Variants in GPC6 observed in about 807,000 individuals in gnomAD.
The protein encoded by GPC6 is glypican-6.
GPC6 carries 14 observed loss-of-function variants against 55.2 expected under a neutral mutation model. The ratio of observed to expected loss-of-function variants is 0.25; its 90% CI spans 0.17 to 0.40. The LOEUF (loss-of-function observed/expected upper bound fraction) is 0.40, where lower values mean the gene tolerates loss of function less well. Ranked by LOEUF, GPC6 falls within the 10% of genes least tolerant of loss-of-function variation. GPC6 has a pLI of 1.00. For missense variants in GPC6, 641 were observed against 708.5 expected (o/e 0.90, Z 1.08); for synonymous variants, 278 against 259.6 (o/e 1.07, Z -0.68).
intron 4 of GPC6, among the ~76,000 whole-genome samples, chr13:94,165,600 C>T (rs1888342813): frequency 6.6e-6 from 1 of 152,016 alleles, no homozygotes; most frequent in Non-Finnish European, 1.5e-5. Context: ...AAAGAACTTA[C>T]TCATATAACC....
At chr13:93,468,307 T>A (rs1878987022) in intron 1 of GPC6, among the ~76,000 whole-genome samples, 1 of 152,172 alleles carries the variant, frequency 6.6e-6, no homozygotes, top group Non-Finnish European at 1.5e-5. Flanking sequence ...CTTATTTTAA[T>A]GAAGTTTATG....
At chr13:93,472,846 C>T (rs1879172443) in intron 1 of GPC6, among the ~76,000 whole-genome samples, 1 of 152,160 alleles carries the variant, frequency 6.6e-6, no homozygotes, top group African/African-American at 2.4e-5. Context: ...GTGAGCAAGA[C>T]AAGAGGAGCT....
At chr13:94,146,224 G>A (rs907961443) in intron 4 of GPC6, among the ~76,000 whole-genome samples, 3 of 151,918 alleles carry the variant, frequency 2.0e-5, no homozygotes, top group Non-Finnish European at 4.4e-5. Flanking sequence ...CACTCAGCAG[G>A]GTGCCTGGTG....
At chr13:93,751,184 A>T (rs930017248) in intron 2 of GPC6, among the ~76,000 whole-genome samples, 5 of 151,066 alleles carry the variant, frequency 3.3e-5, no homozygotes, top group African/African-American at 1.2e-4. Context: ...CAAACAAACA[A>T]ACAAAAAATG....
chr13:93,726,103 T>TACACACACACACACACACACAC (rs71811304), intron 2 of GPC6, among the ~76,000 whole-genome samples: 1 of 126,768 alleles, frequency 7.9e-6, no homozygotes, highest in Non-Finnish European at 1.7e-5. Flanking sequence ...TTTTCCTTCA[T>TACACACACACACACACACACAC]ACACACACAC....
chr13:94,374,729 A>C (rs1879754593), intron 6 of GPC6, among the ~76,000 whole-genome samples: 2 of 146,232 alleles, frequency 1.4e-5, no homozygotes, highest in Admixed American at 6.8e-5. Context: ...CATCTACAGA[A>C]CTCTCCACCC....
chr13:94,049,718 C>A (rs1883870845), intron 4 of GPC6, among the ~76,000 whole-genome samples: 1 of 152,154 alleles, frequency 6.6e-6, no homozygotes, highest in Admixed American at 6.5e-5. Flanking sequence ...ATCCTCCCCA[C>A]CACCATTTAT....
intron 6 of GPC6, among the ~76,000 whole-genome samples, chr13:94,335,531 G>GTCTT (rs1451902293): frequency 1.3e-5 from 2 of 152,114 alleles, no homozygotes; most frequent in African/African-American, 4.8e-5. Context: ...CAAATTTACA[G>GTCTT]TCTTTTAGGT....
At chr13:94,080,525 T>C (rs1208298332) in intron 4 of GPC6, among the ~76,000 whole-genome samples, 1 of 152,184 alleles carries the variant, frequency 6.6e-6, no homozygotes, top group East Asian at 1.9e-4. Context: ...TTAATATTTT[T>C]TTTCATTCTA....
chr13:93,533,940 A>T (rs1314125343), intron 1 of GPC6, among the ~76,000 whole-genome samples: 1 of 151,996 alleles, frequency 6.6e-6, no homozygotes, highest in Non-Finnish European at 1.5e-5. Context: ...ATTTCACCCT[A>T]TTGGGAAGCA....
intron 1 of GPC6, among the ~76,000 whole-genome samples, chr13:93,362,649 GGAGA>G (rs1881081784): frequency 6.6e-6 from 1 of 151,852 alleles, no homozygotes; most frequent in Non-Finnish European, 1.5e-5. Context: ...ATTCACAGAG[GGAGA>G]GAGTTTGGAA....
intron 3 of GPC6, among the ~76,000 whole-genome samples, chr13:93,977,519 G>GTGT (rs1566631077): frequency 1.9e-5 from 2 of 105,740 alleles, no homozygotes; most frequent in East Asian, 7.2e-4. Context: ...TGTGTGTGTG[G>GTGT]TGTGTCTTTA....
chr13:94,055,410 A>G (rs1289317478), intron 4 of GPC6, among the ~76,000 whole-genome samples: 1 of 152,224 alleles, frequency 6.6e-6, no homozygotes, highest in Non-Finnish European at 1.5e-5. Context: ...TGATTTGCTT[A>G]GAGCAAATCA....
intron 2 of GPC6, among the ~76,000 whole-genome samples, chr13:93,604,507 A>G (rs1302317963): frequency 6.6e-6 from 1 of 152,140 alleles, no homozygotes; most frequent in East Asian, 1.9e-4. Context: ...TTATTGTCCA[A>G]ATCATAACAT....
chr13:93,236,408 C>T (rs561782206), intron 1 of GPC6, among the ~76,000 whole-genome samples: 11 of 151,942 alleles, frequency 7.2e-5, no homozygotes, highest in Non-Finnish European at 1.5e-4. Flanking sequence ...TCTTAGTCTC[C>T]GGTGTCTATT....
Position 94,253,567 on chromosome 13 carries a change from G to C in GPC6, c.878-32782G>C, listed in dbSNP as rs538672328. ...CCTTTTTGCTTTTTAAGATGTGGGA[G>C]TCTTTGTGAGCTTCCCTGTTCCCAA... On this transcript the variant is annotated intron_variant, in intron 4 of 8. Coordinates refer to ENST00000377047, the MANE Select transcript of GPC6 (RefSeq NM_005708.5). 6.6e-5 allele frequency among the ~76,000 whole-genome samples: 10 copies of C among 152,222 alleles called. No individual in the cohort carries two copies. The South Asian group carries it at 1.7e-3, about 25-fold the overall frequency.
rs76325210 is a variant in GPC6, at chr13:93,641,744, G to A, written c.319+96323G>A. On this transcript the variant is annotated intron_variant, in intron 2 of 8. Transcript: ENST00000377047. ...GTCCACCTTGGACCCCAGCATATTA[G>A]TAACATTCTTTGCATTTTATAAAGG... is the stretch of plus-strand genomic sequence containing the variant. 1.8e-3 allele frequency among the ~76,000 whole-genome samples: 281 copies of A among 152,070 alleles called. 1 individual carries two copies. The highest frequency in any genetic ancestry group is 8.6e-3 in the Admixed American group (131 of 15,238).
chr13:94,072,600 C>T (rs1289316084), intron 4 of GPC6, among the ~76,000 whole-genome samples: 1 of 152,208 alleles, frequency 6.6e-6, no homozygotes, highest in East Asian at 1.9e-4. Flanking sequence ...GATCTGCCCG[C>T]CTCGGCCTCC....
At chr13:94,225,668 C>CATATATATATATATATATAT (rs1355465459) in intron 4 of GPC6, among the ~76,000 whole-genome samples, 25 of 97,534 alleles carry the variant, frequency 2.6e-4, no homozygotes, top group African/African-American at 8.9e-4. Flanking sequence ...GTAAAGTATA[C>CATATATATATATATATATAT]ACATATATAT....
Sources: gnomAD v4.1 joint callset for allele counts (sites outside exome capture counted in the v4.1 genomes callset) on GRCh38, gnomAD v4.1.1 for gene constraint, MANE v1.5 for transcripts, NCBI Gene and HGNC (gene_info 2026-07-23, HGNC 2026-07-21) for gene names.